DAB1: variants seen among roughly 807,000 people sequenced by gnomAD.
DAB1 encodes the protein disabled homolog 1.
DAB1 carries 15 observed loss-of-function variants against 64.6 expected under a neutral mutation model. The observed-to-expected ratio is 0.23, with a 90% CI of 0.16 to 0.36. The LOEUF (loss-of-function observed/expected upper bound fraction) is 0.36. Ranked by LOEUF, DAB1 falls within the 10% of genes least tolerant of loss-of-function variation. The pLI, the probability that DAB1 is intolerant of heterozygous loss-of-function variation, is 1.00. For missense variants in DAB1, 596 were observed against 706.7 expected (o/e 0.84, Z 1.78); for synonymous variants, 235 against 251.9 (o/e 0.93, Z 0.64).
intron 5 of DAB1, among the ~76,000 whole-genome samples, chr1:58,069,705 A>G: frequency 6.6e-6 from 1 of 152,282 alleles, no homozygotes; most frequent in Non-Finnish European, 1.5e-5. Flanking sequence ...ATCTTATGTA[A>G]TACATCCATT....
chr1:57,803,614 A>T (rs1651230437), intron 6 of DAB1, among the ~76,000 whole-genome samples: 2 of 152,232 alleles, frequency 1.3e-5, no homozygotes, highest in Non-Finnish European at 2.9e-5. Context: ...AGGTCACAGA[A>T]CTAGGGTCTG....
chr1:58,163,542 C>A (rs1370050783), intron 4 of DAB1, among the ~76,000 whole-genome samples: 1 of 152,180 alleles, frequency 6.6e-6, no homozygotes, highest in East Asian at 1.9e-4. Flanking sequence ...GTTTGAAAAT[C>A]TGCTGAACTT....
intron 7 of DAB1, among the ~76,000 whole-genome samples, chr1:57,524,561 C>T (rs1644568909): frequency 6.6e-6 from 1 of 152,010 alleles, no homozygotes; most frequent in Non-Finnish European, 1.5e-5. Flanking sequence ...AAGTTAAGAG[C>T]AATGTTTTGT....
At chr1:57,135,200 T>C (rs1260257047) in intron 4 of DAB1, among the ~76,000 whole-genome samples, 2 of 152,196 alleles carry the variant, frequency 1.3e-5, no homozygotes, top group Non-Finnish European at 2.9e-5. Flanking sequence ...ACTATTCATC[T>C]CTAAAAGATT....
chr1:57,542,384 G>A (rs1358763412), intron 7 of DAB1, among the ~76,000 whole-genome samples: 1 of 151,356 alleles, frequency 6.6e-6, no homozygotes. Flanking sequence ...CTAGGGTCAA[G>A]ATGTGAGGAA....
At chr1:57,154,492 C>T (rs1335821706) in intron 2 of DAB1, among the ~76,000 whole-genome samples, 1 of 152,206 alleles carries the variant, frequency 6.6e-6, no homozygotes, top group Non-Finnish European at 1.5e-5. Flanking sequence ...GTCAACAGTG[C>T]TGCAACAAAC....
At chr1:57,948,773 C>T (rs910685497) in intron 5 of DAB1, among the ~76,000 whole-genome samples, 1 of 152,062 alleles carries the variant, frequency 6.6e-6, no homozygotes, top group Admixed American at 6.6e-5. Flanking sequence ...CTGAAGTTAC[C>T]GGGGAAGCCA....
intron 7 of DAB1, among the ~76,000 whole-genome samples, chr1:57,604,999 C>A (rs893580760): frequency 6.6e-6 from 1 of 151,968 alleles, no homozygotes; most frequent in Non-Finnish European, 1.5e-5. Context: ...TAAAGATAAT[C>A]CTTAATAATA....
chr1:57,053,933 C>A (rs1649482071), intron 9 of DAB1, among the ~76,000 whole-genome samples: 1 of 151,936 alleles, frequency 6.6e-6, no homozygotes, highest in Admixed American at 6.6e-5. Flanking sequence ...GTGATCCACC[C>A]ACCTTGGCTT....
intron 2 of DAB1, among the ~76,000 whole-genome samples, chr1:57,195,799 T>C (rs1407355808): frequency 1.3e-5 from 2 of 152,250 alleles, no homozygotes; most frequent in Admixed American, 6.5e-5. Flanking sequence ...GATGCATTCA[T>C]GGAATCCCTG....
chr1:57,072,728 A>G (rs1651612128), intron 4 of DAB1, among the ~76,000 whole-genome samples: 1 of 152,172 alleles, frequency 6.6e-6, no homozygotes, highest in Non-Finnish European at 1.5e-5. Context: ...TGATCGTTTT[A>G]CATGACACAT....
intron 7 of DAB1, among the ~76,000 whole-genome samples, chr1:57,608,403 A>T (rs1274354708): frequency 2.6e-5 from 4 of 152,012 alleles, no homozygotes; most frequent in Non-Finnish European, 4.4e-5. Context: ...AAAGAGAGAG[A>T]GAGAGAGAGA....
intron 2 of DAB1, among the ~76,000 whole-genome samples, chr1:57,169,041 G>A (rs1462397994): frequency 6.6e-6 from 1 of 152,162 alleles, no homozygotes; most frequent in Admixed American, 6.6e-5. Flanking sequence ...GGGCAACAGA[G>A]TGGGACCCTG....
intron 5 of DAB1, among the ~76,000 whole-genome samples, chr1:57,895,139 TC>T (rs1470950261): frequency 6.6e-6 from 1 of 152,266 alleles, no homozygotes; most frequent in East Asian, 1.9e-4. Flanking sequence ...TAAGTCCTTT[TC>T]AAGTTATAAA....
At chr1:57,101,171 CT>C (rs1654653938) in intron 4 of DAB1, among the ~76,000 whole-genome samples, 2 of 152,248 alleles carry the variant, frequency 1.3e-5, no homozygotes, top group South Asian at 4.2e-4. Flanking sequence ...TTGTGAATGG[CT>C]GCCAAATCAG....
chr1:57,179,954 G>A (rs1322558007), intron 2 of DAB1, among the ~76,000 whole-genome samples: 1 of 152,050 alleles, frequency 6.6e-6, no homozygotes, highest in Non-Finnish European at 1.5e-5. Context: ...CCTTTTCTAT[G>A]TTCTTTTTGT....
At position 57,442,648 on chromosome 1, in the gene DAB1, C is replaced by T. The variant is rs569196550; in HGVS notation, n.626-151482G>A. Among the ~76,000 whole-genome samples the T allele has an allele frequency of 8.5e-5, 13 of 152,218 alleles. No individual in the cohort carries two copies. The East Asian group carries it at 2.3e-3, about 27-fold the overall frequency. ...AGGTTATTCCTATGAAAATGTTACT[C>T]TCATCCTTTTGTGTTTTCATATTAT... On this transcript the variant is annotated intron_variant and non_coding_transcript_variant, in intron 7 of 20. Transcript: ENST00000485760.
chr1:58,258,185 G>A (rs1029498087), intron 4 of DAB1, among the ~76,000 whole-genome samples: 3 of 152,052 alleles, frequency 2.0e-5, no homozygotes, highest in Admixed American at 6.5e-5. Flanking sequence ...AGAACCCCGC[G>A]AAGGAGCAGC....
At position 57,571,236 on chromosome 1, in the gene DAB1, C is replaced by A. The variant is rs527628538; in HGVS notation, n.625+78356G>T. Among the ~76,000 whole-genome samples the A allele has an allele frequency of 2.0e-5, 3 of 152,166 alleles. No homozygotes were observed. The East Asian group carries it at 5.8e-4, about 29-fold the overall frequency. ...GTTGCTCTGGCTAGGACTTCCAGTA[C>A]TACGTTGAATAGAAGTGGTGAAAGT... On this transcript the variant is annotated intron_variant and non_coding_transcript_variant, in intron 7 of 20. Transcript: ENST00000485760.
Sources: gnomAD v4.1 joint callset for allele counts (sites outside exome capture counted in the v4.1 genomes callset) on GRCh38, gnomAD v4.1.1 for gene constraint, MANE v1.5 for transcripts, NCBI Gene and HGNC (gene_info 2026-07-23, HGNC 2026-07-21) for gene names.